SCAPER: variants seen among roughly 807,000 people sequenced by gnomAD.
SCAPER encodes the protein S-phase cyclin A associated protein in the ER, also known as S phase cyclin A-associated protein in the endoplasmic reticulum.
Under a neutral mutation model 182.2 loss-of-function variants are expected in SCAPER, and 98 were observed. The ratio of observed to expected loss-of-function variants is 0.54; its 90% CI spans 0.46 to 0.64. SCAPER has a LOEUF of 0.64. SCAPER is among the 30% of genes least tolerant of loss of function. The pLI, the probability that SCAPER is intolerant of heterozygous loss-of-function variation, is 0.00. For synonymous variants in SCAPER, 605 were observed against 564.6 expected (o/e 1.07, Z -1.01); for missense variants, 1,432 against 1,690.0 (o/e 0.85, Z 2.68).
At chr15:76,428,893 T>TATATATATATATATATATATACATATAA (rs561331843) in intron 26 of SCAPER, among the ~76,000 whole-genome samples, 1 of 139,576 alleles carries the variant, frequency 7.2e-6, no homozygotes, top group African/African-American at 2.7e-5. Flanking sequence ...TATATATATA[T>TATATATATATATATATATATACATATAA]AAACATCAAA....
intron 23 of SCAPER, among the ~76,000 whole-genome samples, chr15:76,543,510 G>A (rs2044973021): frequency 6.6e-6 from 1 of 152,164 alleles, no homozygotes; most frequent in Non-Finnish European, 1.5e-5. Context: ...GGTTTGCACT[G>A]TGGACAGAAG....
intron 2 of SCAPER, among the ~76,000 whole-genome samples, chr15:76,865,701 G>A (rs933794547): frequency 6.6e-6 from 1 of 151,996 alleles, no homozygotes; most frequent in South Asian, 2.1e-4. Context: ...GAATCAACTC[G>A]CCAACTAATA....
chr15:76,497,517 A>G (rs1196106809), intron 24 of SCAPER, among the ~76,000 whole-genome samples: 1 of 152,158 alleles, frequency 6.6e-6, no homozygotes, highest in African/African-American at 2.4e-5. Context: ...CACAACAAAT[A>G]GGAAGGGAGA....
rs555363841 is a variant in SCAPER, at chr15:76,783,764, A to G, written c.773-8647T>C. ...AATCAATAAATGTAATCCATTATAT[A>G]AACAGAAAAAAAGACAAAAACCGCA... is the stretch of plus-strand genomic sequence containing the variant. On this transcript the variant is annotated intron_variant, in intron 8 of 31. Coordinates refer to ENST00000563290, the MANE Select transcript of SCAPER (RefSeq NM_020843.4). 7.5e-4 allele frequency among the ~76,000 whole-genome samples: 114 copies of G among 152,352 alleles called. 1 individual carries two copies. Among genetic ancestry groups the G allele is most frequent in the African/African-American group, 2.6e-3 (110 of 41,566 alleles).
At chr15:76,848,380 G>C (rs2070356840) in intron 4 of SCAPER, among the ~76,000 whole-genome samples, 1 of 147,348 alleles carries the variant, frequency 6.8e-6, no homozygotes, top group South Asian at 2.2e-4. Flanking sequence ...CCAGGCTGGA[G>C]TGCAGTGGTG....
At chr15:76,781,481 G>C (rs766909310) in intron 8 of SCAPER, among the ~76,000 whole-genome samples, 6 of 152,164 alleles carry the variant, frequency 3.9e-5, no homozygotes, top group Non-Finnish European at 5.9e-5. Context: ...TATTATCCAG[G>C]AGAACTTCCC....
At chr15:76,701,559 T>C (rs2058950342) in intron 20 of SCAPER, among the ~76,000 whole-genome samples, 199 bp downstream of exon 20, 1 of 152,216 alleles carries the variant, frequency 6.6e-6, no homozygotes, top group South Asian at 2.1e-4. Flanking sequence ...CATTAAATTC[T>C]TTTTTCTATC....
intron 1 of SCAPER, among the ~76,000 whole-genome samples, chr15:76,888,542 C>T (rs544524948): frequency 1.3e-5 from 2 of 151,922 alleles, no homozygotes; most frequent in African/African-American, 4.8e-5. Context: ...TAAGCCTCAG[C>T]AGCCGATTCA....
chr15:76,778,211 A>T (rs778543683), intron 8 of SCAPER, among the ~76,000 whole-genome samples: 3 of 152,200 alleles, frequency 2.0e-5, no homozygotes, highest in Non-Finnish European at 4.4e-5. Context: ...TTGTATCACC[A>T]ACTGAAGTAG....
At chr15:76,741,335 C>T (rs2061528189) in intron 15 of SCAPER, among the ~76,000 whole-genome samples, 2 of 151,976 alleles carry the variant, frequency 1.3e-5, no homozygotes, top group Admixed American at 1.3e-4. Context: ...AAATGAATCA[C>T]TTTTAAAATA....
At chr15:76,349,199 AAAAAAACAAAAAAC>A (rs889337450) in intron 31 of SCAPER, 1 of 152,298 alleles carries the variant, frequency 6.6e-6, no homozygotes, top group African/African-American at 2.4e-5. Flanking sequence ...CCCTGTCTCA[AAAAAAACAAAAAAC>A]AAAAAACAAA....
At chr15:76,539,593 G>A (rs980420896) in intron 23 of SCAPER, among the ~76,000 whole-genome samples, 2 of 132,728 alleles carry the variant, frequency 1.5e-5, no homozygotes, top group Admixed American at 1.8e-4. Context: ...CTCCCAGGCT[G>A]GAGTGCTGTG....
At chr15:76,508,516 T>C (rs937193278) in intron 23 of SCAPER, among the ~76,000 whole-genome samples, 1 of 152,192 alleles carries the variant, frequency 6.6e-6, no homozygotes, top group Non-Finnish European at 1.5e-5. Flanking sequence ...ACAATGTTTG[T>C]GGTATAGTGT....
chr15:76,609,334 A>G (rs2050766161), intron 22 of SCAPER, among the ~76,000 whole-genome samples: 1 of 151,852 alleles, frequency 6.6e-6, no homozygotes, highest in Non-Finnish European at 1.5e-5. Context: ...TTAAAAAAAA[A>G]AAAAAAATGC....
chr15:76,558,121 G>T (rs147468876), intron 23 of SCAPER, among the ~76,000 whole-genome samples: 98 of 152,140 alleles, frequency 6.4e-4, no homozygotes, highest in African/African-American at 2.2e-3. Context: ...CACAAAATCA[G>T]CTGCAACAAA....
chr15:76,731,627 AT>A (rs1391046713), intron 16 of SCAPER, among the ~76,000 whole-genome samples: 1 of 152,246 alleles, frequency 6.6e-6, no homozygotes, highest in East Asian at 1.9e-4. Flanking sequence ...ATGATTACAC[AT>A]TTTTAAAATT....
At chr15:76,723,110 G>T (rs1179140340) in intron 17 of SCAPER, among the ~76,000 whole-genome samples, 1 of 152,128 alleles carries the variant, frequency 6.6e-6, no homozygotes, top group African/African-American at 2.4e-5. Context: ...ATGTGTCCCA[G>T]AGATTTTGGT....
Position 76,800,318 on chromosome 15 carries a change from G to A in SCAPER, c.541C>T (p.His181Tyr), listed in dbSNP as rs1162750431. 1 of 1,613,250 alleles carries A rather than the reference G, an allele frequency of 6.2e-7. No individual in the cohort carries two copies. Residue 181 changes from histidine (H) to tyrosine (Y), a missense_variant, in exon 7 of 32, where the codon CAT becomes TAT. Coordinates refer to ENST00000563290, the MANE Select transcript of SCAPER (RefSeq NM_020843.4). ...TCTGTTGATGGACTTGGAATCACAT[G>A]GCGTCCCGGAGACATCTTCTTTACT... ...WEVKKMSPGR[H>Y]VIPSPSTDRI...
chr15:76,487,313 T>C (rs1017949320), intron 24 of SCAPER, among the ~76,000 whole-genome samples: 1 of 138,632 alleles, frequency 7.2e-6, no homozygotes, highest in African/African-American at 2.7e-5. Context: ...ACAAAATCCA[T>C]GTTCCCCTGA....
Sources: gnomAD v4.1 joint callset for allele counts (sites outside exome capture counted in the v4.1 genomes callset) on GRCh38, gnomAD v4.1.1 for gene constraint, MANE v1.5 for transcripts, NCBI Gene and HGNC (gene_info 2026-07-23, HGNC 2026-07-21) for gene names.